The following PLD1 variants were observed in gnomAD, a reference collection of about 807,000 sequenced individuals.
PLD1 encodes the protein choline phosphatase 1.
In PLD1, 112 loss-of-function variants were observed where a neutral mutation model predicts 137.1. The ratio of observed to expected loss-of-function variants is 0.82; its 90% CI spans 0.70 to 0.96. The LOEUF (loss-of-function observed/expected upper bound fraction) is 0.96, where lower values mean the gene tolerates loss of function less well. PLD1 is among the 40% of genes least tolerant of loss of function. The pLI is 0.00. For synonymous variants in PLD1, 431 were observed against 454.7 expected (o/e 0.95, Z 0.66); for missense variants, 1,321 against 1,342.0 (o/e 0.98, Z 0.24).
intron 1 of PLD1, among the ~76,000 whole-genome samples, chr3:171,767,041 C>A (rs1392421113): frequency 1.3e-5 from 2 of 151,952 alleles, no homozygotes; most frequent in Non-Finnish European, 2.9e-5. Flanking sequence ...GCCAAATAAC[C>A]AGAGCTTTGA....
chr3:171,771,678 A>G (rs536772636), intron 1 of PLD1, among the ~76,000 whole-genome samples: 46 of 152,332 alleles, frequency 3.0e-4, no homozygotes, highest in Non-Finnish European at 4.0e-4. Context: ...TGACTTTTAT[A>G]TTGTTCAAGT....
chr3:171,725,727 G>A (rs1423167254), intron 7 of PLD1, among the ~76,000 whole-genome samples: 1 of 152,212 alleles, frequency 6.6e-6, no homozygotes, highest in Non-Finnish European at 1.5e-5. Context: ...GATTTTTAAT[G>A]TATTCTCCTA....
chr3:171,698,395 G>A (rs989226833), intron 12 of PLD1, among the ~76,000 whole-genome samples: 3 of 152,168 alleles, frequency 2.0e-5, no homozygotes, highest in African/African-American at 7.2e-5. Flanking sequence ...ATGTTGTTTG[G>A]CAGAATGTGT....
chr3:171,613,074 GC>G (rs1732802867), intron 24 of PLD1, among the ~76,000 whole-genome samples: 1 of 152,152 alleles, frequency 6.6e-6, no homozygotes, highest in Non-Finnish European at 1.5e-5. Flanking sequence ...GAATGCTGAG[GC>G]AGGAGGATCG....
intron 24 of PLD1, among the ~76,000 whole-genome samples, chr3:171,616,882 C>T (rs371120622): frequency 4.2e-4 from 64 of 152,258 alleles, no homozygotes; most frequent in African/African-American, 1.4e-3. Context: ...GGGAAACGAA[C>T]GCACGAACTC....
intron 21 of PLD1, among the ~76,000 whole-genome samples, chr3:171,650,575 T>C (rs780848939): frequency 9.2e-5 from 14 of 152,010 alleles, no homozygotes; most frequent in African/African-American, 1.7e-4. Context: ...TGATGCTGAA[T>C]ATAGAAGGGA....
intron 23 of PLD1, among the ~76,000 whole-genome samples, chr3:171,635,522 T>C (rs1375409635): frequency 2.0e-5 from 3 of 152,136 alleles, no homozygotes; most frequent in African/African-American, 7.2e-5. Context: ...ACTAGTGATA[T>C]TGAGTTTTCT....
chr3:171,798,546 GAA>G (rs1433837611), intron 1 of PLD1, among the ~76,000 whole-genome samples: 1 of 152,214 alleles, frequency 6.6e-6, no homozygotes, highest in Non-Finnish European at 1.5e-5. Context: ...ACTAGCATGA[GAA>G]AGAGAGAAAG....
chr3:171,798,588 T>C (rs1372641012), intron 1 of PLD1, among the ~76,000 whole-genome samples: 1 of 152,258 alleles, frequency 6.6e-6, no homozygotes, highest in Admixed American at 6.5e-5. Flanking sequence ...TTTTGAATTT[T>C]TGGATCTTGC....
chr3:171,713,314 A>G (rs1039036717), intron 9 of PLD1, among the ~76,000 whole-genome samples: 1 of 152,100 alleles, frequency 6.6e-6, no homozygotes, highest in African/African-American at 2.4e-5. Flanking sequence ...TACAAACTTT[A>G]GTCGGGGGTG....
At chr3:171,627,495 T>C (rs928437312) in intron 23 of PLD1, among the ~76,000 whole-genome samples, 1 of 152,166 alleles carries the variant, frequency 6.6e-6, no homozygotes, top group African/African-American at 2.4e-5. Flanking sequence ...AACTCAGCTC[T>C]GCACCAAGCG....
At position 171,602,140 on chromosome 3, in the gene PLD1, C is replaced by A. The variant is rs939309244; in HGVS notation, c.*938G>T. The A allele has an allele frequency of 6.6e-6, 1 of 152,164 alleles. No individual in the cohort carries two copies. The highest frequency in any genetic ancestry group is 2.1e-4 in the South Asian group (1 of 4,836). 9.4% of individuals were successfully genotyped at this position (152,164 alleles called of 1,614,324 possible). On this transcript the variant is annotated 3_prime_UTR_variant, in exon 27 of 27. Coordinates refer to ENST00000351298, the MANE Select transcript of PLD1 (RefSeq NM_002662.5). ...TAGTTTGATTTTGAAATGTAGAGAT[C>A]AAATTTCAATCAACCCAGCAGCTAA... is the stretch of plus-strand genomic sequence containing the variant.
chr3:171,661,822 CA>C (rs1240878196), intron 20 of PLD1, among the ~76,000 whole-genome samples: 1 of 152,196 alleles, frequency 6.6e-6, no homozygotes, highest in Non-Finnish European at 1.5e-5. Context: ...TGCATTTTAA[CA>C]GCAAAGATTT....
At chr3:171,715,150 G>A (rs555675373) in intron 8 of PLD1, among the ~76,000 whole-genome samples, 2 of 152,086 alleles carry the variant, frequency 1.3e-5, no homozygotes, top group East Asian at 1.9e-4. Flanking sequence ...TCCTCAATAC[G>A]AATACCAAGG....
At chr3:171,802,449 A>G (rs1227096221) in intron 1 of PLD1, among the ~76,000 whole-genome samples, 2 of 152,176 alleles carry the variant, frequency 1.3e-5, no homozygotes, top group Non-Finnish European at 2.9e-5. Context: ...TTTGTCATTG[A>G]TCCAAATGAC....
rs149506327 is a variant in PLD1, at chr3:171,737,551, C to T, written c.269G>A (p.Arg90His). The T allele has an allele frequency of 4.2e-4, 678 of 1,610,666 alleles. 4 individuals carry two copies. The East Asian group carries it at 7.0e-3, about 17-fold the overall frequency. The change falls in exon 3 of 27, where the codon CGC becomes CAC. Residue 90 changes from arginine (R) to histidine (H), a missense_variant. Physicochemically the swap from Arg to His is conservative, Grantham distance 29. Coordinates refer to ENST00000351298, the MANE Select transcript of PLD1 (RefSeq NM_002662.5). Reference sequence around the variant, plus strand: ...TCTGACCCTTGTTGTAGATGTGAAGCGTTCCACTTCCAGAACTTGTGCTTT... The same window carrying T: ...TCTGACCCTTGTTGTAGATGTGAAGTGTTCCACTTCCAGAACTTGTGCTTT... The part of the protein sequence containing the change: ...PIKAQVLEVE[R>H]FTSTTRVPSI...
chr3:171,764,484 A>G (rs1721669411), intron 1 of PLD1, among the ~76,000 whole-genome samples: 1 of 152,170 alleles, frequency 6.6e-6, no homozygotes, highest in Non-Finnish European at 1.5e-5. Context: ...CACAACTAAT[A>G]AGCAATGATC....
intron 21 of PLD1, among the ~76,000 whole-genome samples, chr3:171,645,883 C>CAAA (rs1162718346): frequency 1.1e-3 from 66 of 59,102 alleles, no homozygotes; most frequent in East Asian, 2.9e-3. Flanking sequence ...GACTCCATCT[C>CAAA]AAAAAAAAAA....
At chr3:171,808,906 C>G (rs1156660797) in intron 1 of PLD1, among the ~76,000 whole-genome samples, 1 of 146,862 alleles carries the variant, frequency 6.8e-6, no homozygotes, top group Non-Finnish European at 1.5e-5. Flanking sequence ...CTCACTGCAA[C>G]CTCCGCCTCC....
Sources: allele counts gnomAD v4.1 joint callset (sites outside exome capture counted in the v4.1 genomes callset), GRCh38; gene constraint gnomAD v4.1.1; transcripts MANE v1.5; gene names NCBI Gene and HGNC (gene_info 2026-07-23, HGNC 2026-07-21).